TRPM3: variants seen among roughly 807,000 people sequenced by gnomAD.
TRPM3 encodes the protein long transient receptor potential channel 3.
TRPM3 carries 77 observed loss-of-function variants against 181.2 expected under a neutral mutation model. The observed-to-expected ratio is 0.42, with a 90% CI of 0.35 to 0.51. TRPM3 has a LOEUF of 0.51. TRPM3 is among the 20% of genes least tolerant of loss of function. The pLI is 0.01. For synonymous variants in TRPM3, 745 were observed against 796.4 expected (o/e 0.94, Z 1.09); for missense variants, 1,759 against 2,196.7 (o/e 0.80, Z 3.98).
chr9:70,940,615 G>A (rs534424041), intron 1 of TRPM3, among the ~76,000 whole-genome samples: 1 of 152,320 alleles, frequency 6.6e-6, no homozygotes, highest in African/African-American at 2.4e-5. Context: ...AATATAAATA[G>A]TGTGAAAGAA....
intron 22 of TRPM3, among the ~76,000 whole-genome samples, chr9:70,566,379 C>G (rs568076401): frequency 6.6e-6 from 1 of 152,108 alleles, no homozygotes; most frequent in East Asian, 1.9e-4. Context: ...ACAAGAAGGT[C>G]CCTGGTCTGG....
intron 1 of TRPM3, among the ~76,000 whole-genome samples, chr9:70,977,018 C>A (rs1361971244): frequency 2.0e-5 from 3 of 152,148 alleles, no homozygotes; most frequent in African/African-American, 7.2e-5. Context: ...AAAGACACAG[C>A]AGAACTTTAT....
intron 1 of TRPM3, among the ~76,000 whole-genome samples, chr9:70,899,301 C>G (rs999905310): frequency 6.6e-6 from 1 of 152,200 alleles, no homozygotes; most frequent in South Asian, 2.1e-4. Context: ...CTTACTGTTA[C>G]TGTTTATTTT....
intron 1 of TRPM3, among the ~76,000 whole-genome samples, chr9:71,268,143 G>T (rs2083514873): frequency 6.6e-6 from 1 of 152,190 alleles, no homozygotes; most frequent in Admixed American, 6.5e-5. Context: ...CACTTTGGGA[G>T]ACCGAAGCAG....
chr9:71,293,604 T>TG (rs997027321), intron 1 of TRPM3, among the ~76,000 whole-genome samples: 9 of 119,840 alleles, frequency 7.5e-5, no homozygotes, highest in South Asian at 3.0e-4. Flanking sequence ...ACTACATTTG[T>TG]GGAAAAAAAA....
intron 1 of TRPM3, among the ~76,000 whole-genome samples, chr9:71,258,166 T>C (rs1451182022): frequency 6.6e-6 from 1 of 152,244 alleles, no homozygotes; most frequent in Non-Finnish European, 1.5e-5. Context: ...CCCTCATTTA[T>C]GTACCAGGCT....
At chr9:70,549,826 A>G in intron 24 of TRPM3, 152 bp from the exon 25 acceptor site, 1 of 725,352 alleles carries the variant, frequency 1.4e-6, no homozygotes, top group East Asian at 3.0e-5. Flanking sequence ...AAATCCAATT[A>G]GGCAACTTGC....
intron 1 of TRPM3, among the ~76,000 whole-genome samples, chr9:70,995,702 T>C (rs985216211): frequency 6.6e-6 from 1 of 152,150 alleles, no homozygotes; most frequent in African/African-American, 2.4e-5. Context: ...CTAGCATCTT[T>C]CCAGACGTAT....
chr9:71,035,620 G>A (rs1051138401), intron 1 of TRPM3, among the ~76,000 whole-genome samples: 1 of 152,144 alleles, frequency 6.6e-6, no homozygotes, highest in Non-Finnish European at 1.5e-5. Flanking sequence ...AGGAGGCTGA[G>A]GCATGAGAAT....
intron 22 of TRPM3, among the ~76,000 whole-genome samples, chr9:70,588,272 A>C (rs2057494943): frequency 6.6e-6 from 1 of 152,140 alleles, no homozygotes; most frequent in Non-Finnish European, 1.5e-5. Context: ...AAAAGGTGGA[A>C]GGCATATCAA....
chr9:70,638,226 C>A (rs1387162862), intron 11 of TRPM3, among the ~76,000 whole-genome samples: 8 of 152,122 alleles, frequency 5.3e-5, no homozygotes, highest in Non-Finnish European at 1.2e-4. Flanking sequence ...CAAAAAGCAA[C>A]CTTCGCCAGA....
At chr9:71,340,482 A>G (rs2090885084) in intron 1 of TRPM3, among the ~76,000 whole-genome samples, 1 of 152,072 alleles carries the variant, frequency 6.6e-6, no homozygotes, top group Non-Finnish European at 1.5e-5. Context: ...GACAGTGAAT[A>G]AGTCTCACGA....
rs142744585 is a variant in TRPM3 at position 71,302,562 on chromosome 9, G to T, written c.183+144091C>A. ...AGTTGAGGCATCCATTGGTTCAAGC[G>T]AAAGGTAGAATGCAGCAAATACAAT... On this transcript the variant is annotated intron_variant, in intron 1 of 24. Transcript: ENST00000357533. 8.5e-3 allele frequency among the ~76,000 whole-genome samples: 1,290 copies of T among 152,302 alleles called. 16 individuals carry two copies. The highest frequency in any genetic ancestry group is 0.029 in the African/African-American group (1,192 of 41,564).
intron 1 of TRPM3, among the ~76,000 whole-genome samples, chr9:70,948,676 A>G (rs185322723): frequency 6.6e-6 from 1 of 152,238 alleles, no homozygotes; most frequent in East Asian, 1.9e-4. Flanking sequence ...AGCAAACATA[A>G]TTTTTGCTTT....
chr9:71,444,391 A>G (rs1386019718), intron 1 of TRPM3, among the ~76,000 whole-genome samples: 1 of 151,906 alleles, frequency 6.6e-6, no homozygotes, highest in Non-Finnish European at 1.5e-5. Context: ...CTATTAATCA[A>G]ATTTTTCCAC....
chr9:71,186,839 T>C (rs925121224), intron 1 of TRPM3, among the ~76,000 whole-genome samples: 3 of 152,034 alleles, frequency 2.0e-5, no homozygotes, highest in Non-Finnish European at 4.4e-5. Context: ...GAAGATGAGC[T>C]AGCAAAAAGT....
intron 9 of TRPM3, among the ~76,000 whole-genome samples, chr9:70,661,238 T>C (rs2061091357): frequency 6.6e-6 from 1 of 152,138 alleles, no homozygotes; most frequent in East Asian, 1.9e-4. Flanking sequence ...AAATCTAGCA[T>C]GACTTTTTGA....
intron 1 of TRPM3, among the ~76,000 whole-genome samples, chr9:71,014,219 G>C (rs1373085222): frequency 6.6e-6 from 1 of 151,660 alleles, no homozygotes; most frequent in Non-Finnish European, 1.5e-5. Flanking sequence ...TTTCCAAGTG[G>C]GGCATTTTTG....
intron 7 of TRPM3, among the ~76,000 whole-genome samples, chr9:70,768,851 A>T (rs1295965348): frequency 1.3e-5 from 2 of 152,176 alleles, no homozygotes. Context: ...TTAAGGCTTC[A>T]TCTTCTCATC....
Sources: allele counts gnomAD v4.1 joint callset (sites outside exome capture counted in the v4.1 genomes callset), GRCh38; gene constraint gnomAD v4.1.1; transcripts MANE v1.5; gene names NCBI Gene and HGNC (gene_info 2026-07-23, HGNC 2026-07-21).